The following HSPG2 variants were observed in gnomAD, a reference collection of about 807,000 sequenced individuals.
The protein encoded by HSPG2 is heparan sulfate proteoglycan 2.
Under a neutral mutation model 526.6 loss-of-function variants are expected in HSPG2, and 278 were observed. The ratio of observed to expected loss-of-function variants is 0.53; its 90% CI spans 0.48 to 0.58. HSPG2 has a LOEUF of 0.58. HSPG2 is among the 20% of genes least tolerant of loss of function. The probability of loss-of-function intolerance (pLI) is 0.00; values close to 1 mark genes in which losing one functional copy is unlikely to be tolerated. For synonymous variants in HSPG2, 2,465 were observed against 2,555.4 expected (o/e 0.96, Z 1.07); for missense variants, 5,354 against 6,099.5 (o/e 0.88, Z 4.07).
rs1444852879 is a variant in HSPG2, at chr1:21,898,420, C to A, written c.64-2110G>T. Among the ~76,000 whole-genome samples, 2 of 152,236 alleles carry A rather than the reference C, an allele frequency of 1.3e-5. No homozygotes were observed. The highest frequency in any genetic ancestry group is 6.5e-5 in the Admixed American group (1 of 15,288). ...GAGTGCTGGCCTGTGGACTTCTAGG[C>A]TGTGCCCGTGGGATGCGCATTCAGG... On this transcript the variant is annotated intron_variant, in intron 1 of 96. Coordinates refer to ENST00000374695, the MANE Select transcript of HSPG2 (RefSeq NM_005529.7). The surrounding 1 kb of genome is among the most constrained non-coding windows in gnomAD (Gnocchi z 4.0).
Position 21,842,130 on chromosome 1 carries a change from G to C in HSPG2, c.9065C>G (p.Pro3022Arg). Residue 3022 changes from proline (P) to arginine (R), a missense_variant, in exon 69 of 97, where the codon CCG becomes CGG. Physicochemically the swap from Pro to Arg is moderately radical, Grantham distance 103. Transcript: ENST00000374695. Reference sequence around the variant, plus strand: ...GCTGGGCGGGTCGATGGAGATGACCGGGCTCCTAAGGCCTGGGGCCAAAGG... The same window carrying C: ...GCTGGGCGGGTCGATGGAGATGACCCGGCTCCTAAGGCCTGGGGCCAAAGG... ...SEGSSYRLRS[P>R]VISIDPPSST... 3 of 1,613,700 alleles carry C rather than the reference G, an allele frequency of 1.9e-6. No individual in the cohort carries two copies. Among genetic ancestry groups the C allele is most frequent in the Non-Finnish European group, 2.5e-6 (3 of 1,180,020 alleles).
rs10917056 is a variant in HSPG2 at position 21,859,741 on chromosome 1, A to G, written c.5183-65T>C. 0.99 allele frequency: 1,561,306 copies of G among 1,583,574 alleles called. 771,002 individuals carry two copies. The highest frequency in any genetic ancestry group is 1 in the Non-Finnish European group (1,161,869 of 1,163,622). On this transcript the variant is annotated intron_variant, in intron 41 of 96. Coordinates refer to ENST00000374695, the MANE Select transcript of HSPG2 (RefSeq NM_005529.7). The surrounding 1 kb of genome is among the most constrained non-coding windows in gnomAD (Gnocchi z 5.3). ...CTCTTTCTCACATCCAGCCCCATGC[A>G]CAAGGACAGCATCCCACTAGGGCAG...
In HSPG2 at chr1:21,881,652, G is replaced by A. The variant is rs949939337; in HGVS notation, c.1655-150C>T. On this transcript the variant is annotated intron_variant, in intron 13 of 96. Coordinates refer to ENST00000374695, the MANE Select transcript of HSPG2 (RefSeq NM_005529.7). ...ATCTCTCTTCCAAAGTGAAGAAAAT[G>A]CAGTTTTTTGCCGGGTGTGGTGGCT... The A allele has an allele frequency of 7.1e-5, 54 of 764,084 alleles. 1 individual carries two copies. The South Asian group carries it at 9.2e-4, about 13-fold the overall frequency. 47.3% of individuals were successfully genotyped at this position (764,084 alleles called of 1,614,324 possible). A position where few individuals can be genotyped will look rare whatever the true frequency, so the allele number is the denominator to read the frequency against.
chr1:21,908,962 G>A (rs181442758), intron 1 of HSPG2, among the ~76,000 whole-genome samples: 1 of 152,318 alleles, frequency 6.6e-6, no homozygotes, highest in East Asian at 1.9e-4. Context: ...ACAAAAATTA[G>A]CCGGGCATGG....
At chr1:21,926,907 T>C (rs1388756049) in intron 1 of HSPG2, among the ~76,000 whole-genome samples, 1 of 152,064 alleles carries the variant, frequency 6.6e-6, no homozygotes, top group Non-Finnish European at 1.5e-5. Context: ...TCCCAACTAT[T>C]TGAAAATTGG....
At chr1:21,896,088 T>C in intron 2 of HSPG2, 87 bp downstream of exon 2, 7 of 1,605,768 alleles carry the variant, frequency 4.4e-6, no homozygotes, top group Non-Finnish European at 6.0e-6. Flanking sequence ...CTCGGAATGG[T>C]CGGTCACCCT....
At chr1:21,886,216 C>T (rs1405398866) in intron 9 of HSPG2, among the ~76,000 whole-genome samples, 2 of 152,258 alleles carry the variant, frequency 1.3e-5, no homozygotes, top group Non-Finnish European at 2.9e-5. Flanking sequence ...AAGGACCTGT[C>T]CTTCCTTTGA....
At position 21,854,224 on chromosome 1, in the gene HSPG2, G is replaced by A. The variant is rs550051263; in HGVS notation, c.6408C>T (p.His2136=). Residue 2136 remains histidine, a synonymous_variant, in exon 50 of 97, where the codon CAC becomes CAT. Coordinates refer to ENST00000374695, the MANE Select transcript of HSPG2 (RefSeq NM_005529.7). ...TGTAGCTGGGGCCAGAATGGGTGCCGTGGAGCACAGACACAGTAATGGAGG... is the reference window on the plus strand; with the variant it reads ...TGTAGCTGGGGCCAGAATGGGTGCCATGGAGCACAGACACAGTAATGGAGG... The part of the protein sequence containing the change: ...KEASITVSVL[H]GTHSGPSYTP... 8.5e-5 allele frequency: 136 copies of A among 1,595,490 alleles called. No homozygotes were observed. The highest frequency in any genetic ancestry group is 1.1e-4 in the Non-Finnish European group (123 of 1,170,822).
chr1:21,920,534 C>G (rs576640351), intron 1 of HSPG2, among the ~76,000 whole-genome samples: 23 of 152,346 alleles, frequency 1.5e-4, no homozygotes, highest in Admixed American at 6.5e-4. Context: ...TGGTTCCCCC[C>G]ACATCGCCTT....
intron 3 of HSPG2, among the ~76,000 whole-genome samples, chr1:21,892,862 C>CAAA (rs564802827): frequency 0.017 from 1,750 of 103,722 alleles, 85 homozygotes; most frequent in African/African-American, 0.064. Context: ...GACTCCATCT[C>CAAA]AAAAAAAAAA....
intron 25 of HSPG2, 36 bp from the exon 26 acceptor site, chr1:21,875,038 T>C (rs1328163839): frequency 1.4e-6 from 2 of 1,471,654 alleles, no homozygotes; most frequent in Non-Finnish European, 9.4e-7. Flanking sequence ...ATAGGAGTGC[T>C]GGCTCTGTGC....
rs1414495908 is a variant in HSPG2, at chr1:21,841,637, G to C, written c.9230C>G (p.Thr3077Ser). 6.2e-7 allele frequency: 1 copy of C among 1,614,056 alleles called. No homozygotes were observed. The highest frequency in any genetic ancestry group is 1.3e-5 in the African/African-American group (1 of 74,926). Residue 3077 changes from threonine (T) to serine (S), a missense_variant, in exon 70 of 97, where the codon ACC becomes AGC. By Grantham distance (58) the Thr-to-Ser change is moderately conservative. Coordinates refer to ENST00000374695, the MANE Select transcript of HSPG2 (RefSeq NM_005529.7). ...GTTGCTGGGCCGGGTGCCCACGATG[G>C]TGATGATGGAGCCATTGGGACTGAT... is the stretch of plus-strand genomic sequence containing the variant. ...VHISPNGSII[T>S]IVGTRPSNHG...
intron 95 of HSPG2, 23 bp from the exon 96 acceptor site, chr1:21,823,742 C>A: frequency 5.0e-6 from 8 of 1,597,094 alleles, no homozygotes; most frequent in Non-Finnish European, 6.9e-6. Context: ...TGGGTCAGGC[C>A]CCTTTCCACA....
In HSPG2 at chr1:21,846,471, C is replaced by T. The variant is rs962884439; in HGVS notation, c.8293G>A (p.Gly2765Ser). Residue 2765 changes from glycine (G) to serine (S), a missense_variant, in exon 63 of 97, where the codon GGC becomes AGC. Coordinates refer to ENST00000374695, the MANE Select transcript of HSPG2 (RefSeq NM_005529.7). ...HAQVTWHKRG[G>S]SLPSHHQTRG... ...ACCTGATGGTGACTGGGGAGGCTGC[C>T]CCCACGCTTGTGCCAAGTGACCTGG... The T allele has an allele frequency of 1.7e-5, 27 of 1,613,506 alleles. No homozygotes were observed. Among genetic ancestry groups the T allele is most frequent in the Non-Finnish European group, 2.1e-5 (25 of 1,180,052 alleles).
At chr1:21,926,718 C>A (rs1452344684) in intron 1 of HSPG2, among the ~76,000 whole-genome samples, 1 of 135,786 alleles carries the variant, frequency 7.4e-6, no homozygotes, top group East Asian at 2.3e-4. Flanking sequence ...GCCGAGATCG[C>A]ACCACTACAC....
chr1:21,903,796 C>T (rs992951799), intron 1 of HSPG2, among the ~76,000 whole-genome samples: 2 of 152,094 alleles, frequency 1.3e-5, no homozygotes, highest in African/African-American at 4.8e-5. Flanking sequence ...GCCTTGGAGG[C>T]TCCTATGACA....
At position 21,916,054 on chromosome 1, in the gene HSPG2, A is replaced by C. The variant is rs1216348428; in HGVS notation, c.64-19744T>G. 1.2e-4 allele frequency among the ~76,000 whole-genome samples: 16 copies of C among 131,536 alleles called. No homozygotes were observed. The East Asian group carries it at 3.0e-3, about 25-fold the overall frequency. 86.3% of individuals were successfully genotyped at this position (131,536 alleles called of 152,430 possible). A position where few individuals can be genotyped will look rare whatever the true frequency, so the allele number is the denominator to read the frequency against. On this transcript the variant is annotated intron_variant, in intron 1 of 96. Coordinates refer to ENST00000374695, the MANE Select transcript of HSPG2 (RefSeq NM_005529.7). ...TGACAGAGCAAGACTCCATCTCAAA[A>C]AAGAAAAGAAGAAGAAGAAAAAAAA...
chr1:21,920,351 C>T (rs1042670131), intron 1 of HSPG2, among the ~76,000 whole-genome samples: 1 of 151,842 alleles, frequency 6.6e-6, no homozygotes, highest in African/African-American at 2.4e-5. Context: ...CCACCCTAAA[C>T]CCCACCCGCC....
intron 1 of HSPG2, among the ~76,000 whole-genome samples, chr1:21,930,580 C>A (rs1037785864): frequency 6.6e-6 from 1 of 152,128 alleles, no homozygotes; most frequent in African/African-American, 2.4e-5. Flanking sequence ...TCAAGACCAA[C>A]CTGGCCAACA....
Sources: gnomAD v4.1 joint callset for allele counts (sites outside exome capture counted in the v4.1 genomes callset) on GRCh38, gnomAD v4.1.1 for gene constraint, Gnocchi (gnomAD v3.1) non-coding constraint, MANE v1.5 for transcripts, NCBI Gene and HGNC (gene_info 2026-07-23, HGNC 2026-07-21) for gene names.